NRL: variants seen among roughly 807,000 people sequenced by gnomAD.
The protein encoded by NRL is neural retina leucine zipper.
In NRL, 16 loss-of-function variants were observed where a neutral mutation model predicts 12.5. That is an observed-to-expected ratio of 1.28 (90% CI 0.87 to 1.95). NRL has a LOEUF of 1.95. Among genes scored for constraint, NRL ranks in the 30% most tolerant of loss-of-function variants. NRL has a pLI of 0.00. For synonymous variants in NRL, 142 were observed against 150.9 expected (o/e 0.94, Z 0.43); for missense variants, 314 against 325.8 (o/e 0.96, Z 0.28).
At chr14:24,098,207 C>G (rs1443670147) in intron 1 of NRL, 3 of 1,593,556 alleles carry the variant, frequency 1.9e-6, no homozygotes, top group Non-Finnish European at 1.7e-6. Context: ...CCCCAGCTGG[C>G]TGGCCCGCAC....
intron 1 of NRL, among the ~76,000 whole-genome samples, chr14:24,101,834 G>T (rs2037174389): frequency 6.6e-6 from 1 of 151,488 alleles, no homozygotes; most frequent in African/African-American, 2.4e-5. Flanking sequence ...AAAATTGCTT[G>T]ATCCCAGGAG....
intron 1 of NRL, chr14:24,100,020 G>A: frequency 6.2e-7 from 1 of 1,614,132 alleles, no homozygotes; most frequent in Non-Finnish European, 8.5e-7. Flanking sequence ...TCAACCCTGA[G>A]AACGGCTTCT....
At chr14:24,105,879 T>C (rs2037330766) in intron 1 of NRL, among the ~76,000 whole-genome samples, 1 of 152,166 alleles carries the variant, frequency 6.6e-6, no homozygotes, top group Non-Finnish European at 1.5e-5. Flanking sequence ...CACTCCAGCC[T>C]GGGGGACAGA....
Position 24,081,267 on chromosome 14 carries a change from C to T in NRL, c.683G>A (p.Gly228Glu), listed in dbSNP as rs747974357. The T allele has an allele frequency of 6.6e-7, 1 of 1,505,928 alleles. No individual in the cohort carries two copies. 93.3% of individuals were successfully genotyped at this position (1,505,928 alleles called of 1,614,324 possible). A position where few individuals can be genotyped will look rare whatever the true frequency, so the allele number is the denominator to read the frequency against. ...RCDRLTSSGP[G>E]SGDPSHLFL is the part of the protein sequence containing the mutation. ...GAAGAGGTGGGAGGGGTCCCCGGAC[C>T]CGGGGCCGCTCGAGGTTAGCCGGTC... Residue 228 changes from glycine to glutamate, a missense_variant, in exon 3 of 3, where the codon GGG (glycine) becomes GAG (glutamate). By Grantham distance (98) the Gly-to-Glu change is moderately conservative. Transcript: ENST00000561028. The surrounding 1 kb of genome is among the most constrained non-coding windows in gnomAD (Gnocchi z 4.4).
intron 1 of NRL, chr14:24,110,590 T>C (rs2037404488): frequency 6.3e-6 from 1 of 157,590 alleles, no homozygotes; most frequent in Non-Finnish European, 1.4e-5. Flanking sequence ...AATTGAAGAC[T>C]ACAACACCAT....
In NRL at chr14:24,094,041, T is replaced by A. The variant is rs931280424; in HGVS notation, c.-27-11166A>T. ...GGGAGCAAGAGTCCTCAAAGTTACA[T>A]CATGTGCGGCTGGGAGGGCGGTGGC... On this transcript the variant is annotated intron_variant, in intron 1 of 2. Transcript: ENST00000561028. This position sits in a 1 kb window ranked among gnomAD's most constrained non-coding sequence, Gnocchi z 4.1. 1.7e-5 allele frequency: 9 copies of A among 538,268 alleles called. No individual in the cohort carries two copies. Among genetic ancestry groups the A allele is most frequent in the Non-Finnish European group, 2.0e-5 (6 of 307,436 alleles). The allele number at this position is 538,268 out of a possible 1,614,324, so 33.3% of individuals were successfully genotyped here. A position where few individuals can be genotyped will look rare whatever the true frequency, so the allele number is the denominator to read the frequency against.
In NRL at chr14:24,081,908, CCA is replaced by C; in HGVS notation, c.382-342_382-341del. On this transcript the variant is annotated intron_variant, in intron 2 of 2. Coordinates refer to ENST00000561028, the MANE Select transcript of NRL (RefSeq NM_001354768.3). This position sits in a 1 kb window ranked among gnomAD's most constrained non-coding sequence, Gnocchi z 4.4. The stretch of plus-strand genomic sequence containing the variant: ...CCGGGTGTGTCCAGTGGACCCGCAC[CCA>C]GACAGCCCCCAACCCTCCAACGCGC... The C allele has an allele frequency of 5.4e-6, 7 of 1,301,642 alleles. No homozygotes were observed. Among genetic ancestry groups the C allele is most frequent in the Non-Finnish European group, 6.9e-6 (7 of 1,016,438 alleles). 80.6% of individuals were successfully genotyped at this position (1,301,642 alleles called of 1,614,324 possible).
chr14:24,079,941 T>C lies in NRL; in HGVS notation c.*1295A>G, dbSNP rs569101920. ...GGTGGTGGTGGTGAGAGGGGGAGGA[T>C]CCATCTGTTCCAATGCCTGCCCCTC... On this transcript the variant is annotated 3_prime_UTR_variant, in exon 3 of 3. Transcript: ENST00000561028. 6.6e-6 allele frequency among the ~76,000 whole-genome samples: 1 copy of C among 152,002 alleles called. No homozygotes were observed. Among genetic ancestry groups the C allele is most frequent in the East Asian group, 1.9e-4 (1 of 5,134 alleles).
intron 1 of NRL, among the ~76,000 whole-genome samples, chr14:24,083,599 G>T (rs576530642): frequency 6.6e-6 from 1 of 152,178 alleles, no homozygotes; most frequent in African/African-American, 2.4e-5. Flanking sequence ...AACTTGTTAC[G>T]TTGTGTGAAC....
In NRL at chr14:24,114,704, G is replaced by A. The variant is rs1384151054; in HGVS notation, c.-28+18C>T. On this transcript the variant is annotated intron_variant, in intron 1 of 2. Transcript: ENST00000561028. The stretch of plus-strand genomic sequence containing the variant: ...ACTTTCTCCTCCCCTCAGGCACCTC[G>A]CGCATTCTCCCGCCTACCTATCAAT... The A allele has an allele frequency of 5.1e-6, 5 of 985,846 alleles. No individual in the cohort carries two copies. Among genetic ancestry groups the A allele is most frequent in the Non-Finnish European group, 6.0e-6 (5 of 830,016 alleles). 61.1% of individuals were successfully genotyped at this position (985,846 alleles called of 1,614,324 possible).
At chr14:24,111,386 T>A (rs1291996921) in intron 1 of NRL, among the ~76,000 whole-genome samples, 3 of 152,222 alleles carry the variant, frequency 2.0e-5, no homozygotes, top group African/African-American at 7.2e-5. Context: ...GTTTTTTGTG[T>A]GTGTGTGACG....
intron 1 of NRL, among the ~76,000 whole-genome samples, chr14:24,087,747 G>A (rs1410916120): frequency 6.6e-6 from 1 of 152,200 alleles, no homozygotes; most frequent in Non-Finnish European, 1.5e-5. Flanking sequence ...CTGACTTCAA[G>A]AAACTTACAG....
chr14:24,086,470 T>G (rs772007252), intron 1 of NRL, among the ~76,000 whole-genome samples: 1 of 152,196 alleles, frequency 6.6e-6, no homozygotes, highest in Non-Finnish European at 1.5e-5. Context: ...CTGGATCTAC[T>G]GCTGTTTTCT....
intron 1 of NRL, chr14:24,099,167 G>A (rs535831655): frequency 1.2e-6 from 2 of 1,610,204 alleles, no homozygotes; most frequent in Non-Finnish European, 1.7e-6. Flanking sequence ...TGCTGGGCAA[G>A]AAGTGCTTTG....
At chr14:24,103,485 C>T (rs973843071) in intron 1 of NRL, 21 of 1,529,400 alleles carry the variant, frequency 1.4e-5, no homozygotes, top group South Asian at 3.9e-5. Flanking sequence ...AGGAAGATTC[C>T]TTACCCATCT....
rs2036308897 is a variant in NRL, at chr14:24,081,644, G to GGCTCCGCCCCGGGACA, written c.382-92_382-77dup. Reference sequence around the variant, plus strand: ...CTGCCCTGAGGGCCCGACGCTACCTGGCTCCGCCCCGGGACAGCCCCGCCC... The same window carrying GGCTCCGCCCCGGGACA: ...CTGCCCTGAGGGCCCGACGCTACCTGGCTCCGCCCCGGGACAGCTCCGCCCCGGGACAGCCCCGCCC... On this transcript the variant is annotated intron_variant, in intron 2 of 2. Coordinates refer to ENST00000561028, the MANE Select transcript of NRL (RefSeq NM_001354768.3). The surrounding 1 kb of genome is among the most constrained non-coding windows in gnomAD (Gnocchi z 4.4). 2.6e-6 allele frequency: 4 copies of GGCTCCGCCCCGGGACA among 1,538,476 alleles called. No homozygotes were observed. Among genetic ancestry groups the GGCTCCGCCCCGGGACA allele is most frequent in the Non-Finnish European group, 3.5e-6 (4 of 1,141,784 alleles).
intron 1 of NRL, chr14:24,102,804 G>A (rs370631813): frequency 7.4e-6 from 12 of 1,613,786 alleles, no homozygotes; most frequent in Admixed American, 1.7e-5. Flanking sequence ...GCCCCGGCTC[G>A]CCAGTGCCCC....
At chr14:24,096,441 T>A (rs1229966220) in intron 1 of NRL, among the ~76,000 whole-genome samples, 2 of 152,068 alleles carry the variant, frequency 1.3e-5, no homozygotes, top group Non-Finnish European at 2.9e-5. Context: ...TTCACCATGT[T>A]GCCCAGTATG....
In NRL at chr14:24,082,696, G is replaced by A; in HGVS notation, c.153C>T (p.Pro51=). Residue 51 remains proline, a synonymous_variant, in exon 2 of 3, where the codon CCC becomes CCT. Coordinates refer to ENST00000561028, the MANE Select transcript of NRL (RefSeq NM_001354768.3). ...STPYSSVPPS[P]TFSEPGMVGA... ...CCACCATGCCTGGTTCACTGAAGGT[G>A]GGTGAAGGAGGCACTGAGCTGTAAG... 8.1e-6 allele frequency: 13 copies of A among 1,614,188 alleles called. No individual in the cohort carries two copies. The highest frequency in any genetic ancestry group is 1.1e-5 in the Non-Finnish European group (13 of 1,180,040).
Sources: allele counts gnomAD v4.1 joint callset (sites outside exome capture counted in the v4.1 genomes callset), GRCh38; gene constraint gnomAD v4.1.1; non-coding constraint Gnocchi (gnomAD v3.1); transcripts MANE v1.5; gene names NCBI Gene and HGNC (gene_info 2026-07-23, HGNC 2026-07-21).